Variants in PHYKPL observed in about 807,000 individuals in gnomAD.
PHYKPL encodes 5-phosphonooxy-L-lysine phospho-lyase.
A neutral mutation model predicts 51.3 loss-of-function variants in PHYKPL; 42 were observed. The ratio of observed to expected loss-of-function variants is 0.82; its 90% CI spans 0.64 to 1.06. PHYKPL has a LOEUF of 1.06. PHYKPL is among the 50% of genes least tolerant of loss of function. PHYKPL has a pLI of 0.00. For missense variants in PHYKPL, 655 were observed against 586.6 expected, an observed-to-expected ratio of 1.12 and a Z score of -1.20; for synonymous variants, 264 against 236.0, an observed-to-expected ratio of 1.12 and a Z score of -1.09.
intron 1 of PHYKPL, chr5:178,231,959 C>A: frequency 1.6e-6 from 2 of 1,240,148 alleles, no homozygotes; most frequent in Non-Finnish European, 2.1e-6. Context: ...CTGCCCCTCG[C>A]TGGGTGCCAG....
At chr5:178,225,489 T>C in intron 3 of PHYKPL, 60 bp from the exon 4 acceptor site, 1 of 1,555,342 alleles carries the variant, frequency 6.4e-7, no homozygotes, top group Non-Finnish European at 8.9e-7. Context: ...CAGAGAGAAA[T>C]GCTGAGGGCA....
Position 178,215,379 on chromosome 5 carries a change from A to G in PHYKPL, c.979T>C (p.Leu327=). 6.2e-7 allele frequency: 1 copy of G among 1,614,004 alleles called. No individual in the cohort carries two copies. The highest frequency in any genetic ancestry group is 8.5e-7 in the Non-Finnish European group (1 of 1,179,966). Reference sequence around the variant, plus strand: ...TGATCCTGGAGCTGCTCCTTCTCCAAGACATTCAGGACGGCCAGCCCCACA... The same window carrying G: ...TGATCCTGGAGCTGCTCCTTCTCCAGGACATTCAGGACGGCCAGCCCCACA... ...CAVGLAVLNV[L]EKEQLQDHAT... Residue 327 remains leucine (L), a synonymous_variant, in exon 9 of 13, where the codon TTG becomes CTG. Coordinates refer to ENST00000308158, the MANE Select transcript of PHYKPL (RefSeq NM_153373.4).
Position 178,215,257 on chromosome 5 carries a change from G to C in PHYKPL, c.1082+19C>G. The C allele has an allele frequency of 6.2e-7, 1 of 1,613,822 alleles. No individual in the cohort carries two copies. The highest frequency in any genetic ancestry group is 1.6e-4 in the Middle Eastern group (1 of 6,062). The stretch of plus-strand genomic sequence containing the variant: ...GGGCCTTGGCAGGTGGGTGGTGACT[G>C]CTGCCCCCAGAGCCTCACCTGACAT... On this transcript the variant is annotated intron_variant, in intron 9 of 12. Coordinates refer to ENST00000308158, the MANE Select transcript of PHYKPL (RefSeq NM_153373.4).
chr5:178,231,648 G>A (rs1175362102), intron 1 of PHYKPL, 125 bp from the exon 2 acceptor site: 4 of 1,600,888 alleles, frequency 2.5e-6, no homozygotes, highest in Admixed American at 1.7e-5. Context: ...GAGCTGGAAG[G>A]GCAAGGTGCT....
intron 6 of PHYKPL, chr5:178,223,654 C>T (rs990751029): frequency 7.9e-5 from 28 of 355,226 alleles, no homozygotes; most frequent in Admixed American, 7.2e-5. Context: ...CTCCCCTGGT[C>T]GGGTTCTGCT....
At chr5:178,228,214 G>A (rs1246179910) in intron 3 of PHYKPL, 1 of 340,784 alleles carries the variant, frequency 2.9e-6, no homozygotes, top group African/African-American at 2.1e-5. Context: ...AGGGCTCAGA[G>A]AGAAAAGTGG....
In PHYKPL at chr5:178,211,820, G is replaced by A. The variant is rs867992814; in HGVS notation, c.*31+70C>T. Reference sequence around the variant, plus strand: ...GTCTTAAAAAAAGGCTCAGCTTGCCGAGGCTGCTTGCTGCTGATGGTAAGG... The same window carrying A: ...GTCTTAAAAAAAGGCTCAGCTTGCCAAGGCTGCTTGCTGCTGATGGTAAGG... On this transcript the variant is annotated intron_variant, in intron 12 of 12. Coordinates refer to ENST00000308158, the MANE Select transcript of PHYKPL (RefSeq NM_153373.4). 2.1e-5 allele frequency: 24 copies of A among 1,129,516 alleles called. No homozygotes were observed. The African/African-American group carries it at 3.1e-4, about 15-fold the overall frequency. The allele number at this position is 1,129,516 out of a possible 1,614,324, so 70.0% of individuals were successfully genotyped here. A position where few individuals can be genotyped will look rare whatever the true frequency, so the allele number is the denominator to read the frequency against.
In PHYKPL at chr5:178,208,489, A is replaced by T. The variant is rs1205751697; in HGVS notation, c.*458T>A. On this transcript the variant is annotated 3_prime_UTR_variant, in exon 13 of 13. Transcript: ENST00000308158. Reference sequence around the variant, plus strand: ...CTGGTAGTGAGTCTTAGGAGTAAGTATATTTAGTTGGTTATATTCAGTATT... The same window carrying T: ...CTGGTAGTGAGTCTTAGGAGTAAGTTTATTTAGTTGGTTATATTCAGTATT... 2 of 152,206 alleles carry T rather than the reference A, an allele frequency of 1.3e-5. No individual in the cohort carries two copies. The highest frequency in any genetic ancestry group is 2.9e-5 in the Non-Finnish European group (2 of 68,036). The allele number at this position is 152,206 out of a possible 1,614,324, so 9.4% of individuals were successfully genotyped here.
In PHYKPL at chr5:178,213,004, C is replaced by G. The variant is rs1479724275; in HGVS notation, c.1272G>C (p.Gln424His). 6.2e-7 allele frequency: 1 copy of G among 1,614,182 alleles called. No homozygotes were observed. The highest frequency in any genetic ancestry group is 8.5e-7 in the Non-Finnish European group (1 of 1,180,010). ...PMCFSLDNAR[Q>H]VVAKLDAILT... ...GAATGGCATCCAGCTTTGCCACCAC[C>G]TGCCGTGCATTGTCCAGGCTGAAGC... Residue 424 changes from glutamine (Q) to histidine (H), a missense_variant, in exon 11 of 13, where the codon CAG (glutamine) becomes CAC (histidine). Transcript: ENST00000308158.
intron 10 of PHYKPL, among the ~76,000 whole-genome samples, chr5:178,213,985 G>A (rs1015959504): frequency 1.3e-5 from 2 of 152,162 alleles, no homozygotes; most frequent in South Asian, 4.1e-4. Context: ...TTCCTTCCAT[G>A]CCACCTGACC....
downstream of PHYKPL, among the ~76,000 whole-genome samples, chr5:178,207,872 T>C (rs76425768): frequency 0.035 from 5,315 of 152,016 alleles, 254 homozygotes; most frequent in African/African-American, 0.11. Context: ...CTGGCTCATA[T>C]GTTTTTTTAA....
At chr5:178,215,231 T>C (rs2113756454) in intron 9 of PHYKPL, 45 bp downstream of exon 9, 2 of 1,613,094 alleles carry the variant, frequency 1.2e-6, no homozygotes, top group East Asian at 2.2e-5. Flanking sequence ...GGTACCACAC[T>C]GGGCCTTGGC....
At chr5:178,230,428 T>C (rs1763152296) in intron 2 of PHYKPL, 1 of 242,758 alleles carries the variant, frequency 4.1e-6, no homozygotes, top group Non-Finnish European at 8.2e-6. Context: ...GATCATGGCA[T>C]TCACTGCATC....
intron 6 of PHYKPL, chr5:178,223,543 G>A: frequency 6.6e-6 from 3 of 453,920 alleles, no homozygotes; most frequent in Non-Finnish European, 1.3e-5. Context: ...CAGGGCCAAT[G>A]GGATGGGATA....
Position 178,232,527 on chromosome 5 carries a change from C to A in PHYKPL, c.24G>T (p.Lys8Asn). 1 of 1,325,362 alleles carries A rather than the reference C, an allele frequency of 7.5e-7. No homozygotes were observed. Among genetic ancestry groups the A allele is most frequent in the South Asian group, 2.1e-5 (1 of 47,294 alleles). The allele number at this position is 1,325,362 out of a possible 1,614,324, so 82.1% of individuals were successfully genotyped here. A position where few individuals can be genotyped will look rare whatever the true frequency, so the allele number is the denominator to read the frequency against. The change falls in exon 1 of 13, where the codon AAG becomes AAT. Residue 8 changes from lysine to asparagine, a missense_variant. Transcript: ENST00000308158. ...GTTGCCTCAGGGCCAGCGTGTCGGCCTTCGGGCGCTGGTCTGCGGCCATGG... is the reference window on the plus strand; with the variant it reads ...GTTGCCTCAGGGCCAGCGTGTCGGCATTCGGGCGCTGGTCTGCGGCCATGG... MAADQRP[K>N]ADTLALRQRL...
chr5:178,232,730 T>A lies in PHYKPL; in HGVS notation c.-180A>T. The A allele has an allele frequency of 6.3e-6, 4 of 636,112 alleles. No individual in the cohort carries two copies. The highest frequency in any genetic ancestry group is 4.6e-5 in the Admixed American group (1 of 21,876). The allele number at this position is 636,112 out of a possible 1,614,324, so 39.4% of individuals were successfully genotyped here. On this transcript the variant is annotated 5_prime_UTR_variant, in exon 1 of 13. Transcript: ENST00000308158. ...GTGGTTCATTTCTTCGCTTGCCCAC[T>A]GGGCCTGGCAGCCTTCCGGCCCGTG...
intron 6 of PHYKPL, chr5:178,223,925 C>T (rs931185352): frequency 3.5e-5 from 7 of 199,226 alleles, no homozygotes; most frequent in Non-Finnish European, 7.3e-5. Context: ...CGCCGCATTC[C>T]AATCCATCCT....
chr5:178,229,793 T>C, intron 3 of PHYKPL, 147 bp downstream of exon 3: 2 of 970,588 alleles, frequency 2.1e-6, no homozygotes, highest in Non-Finnish European at 3.0e-6. Flanking sequence ...CATCAGGGCC[T>C]ACAGCCGGGA....
intron 1 of PHYKPL, chr5:178,232,219 C>T: frequency 1.6e-6 from 2 of 1,257,460 alleles, no homozygotes; most frequent in Admixed American, 3.9e-5. Flanking sequence ...AGCCGAACAG[C>T]GGTGAGGGCG....
Sources: gnomAD v4.1 joint callset for allele counts (sites outside exome capture counted in the v4.1 genomes callset) on GRCh38, gnomAD v4.1.1 for gene constraint, MANE v1.5 for transcripts, NCBI Gene and HGNC (gene_info 2026-07-23, HGNC 2026-07-21) for gene names.